Variants in CNBD1 observed in about 807,000 individuals in gnomAD.
CNBD1 encodes the protein cyclic nucleotide-binding domain-containing protein 1.
In CNBD1, 71 loss-of-function variants were observed where a neutral mutation model predicts 54.4. The observed-to-expected ratio is 1.30, with a 90% confidence interval of 1.08 to 1.59. CNBD1 has a LOEUF of 1.59. Ranked by LOEUF, CNBD1 falls within the 40% of genes most tolerant of loss-of-function variation. The pLI is 0.00. For synonymous variants in CNBD1, 182 were observed against 170.7 expected (o/e 1.07, Z -0.51); for missense variants, 659 against 518.0 (o/e 1.27, Z -2.64).
chr8:87,409,859 C>G (rs1807710738), intron 2 of CNBD1, among the ~76,000 whole-genome samples: 1 of 151,864 alleles, frequency 6.6e-6, no homozygotes, highest in Non-Finnish European at 1.5e-5. Context: ...CCCATCTCTA[C>G]TAAAATAGAA....
At chr8:87,101,213 A>G (rs1309555775) in intron 4 of CNBD1, among the ~76,000 whole-genome samples, 1 of 152,218 alleles carries the variant, frequency 6.6e-6, no homozygotes, top group Non-Finnish European at 1.5e-5. Flanking sequence ...AAACTCTAAG[A>G]TGATCAAGAT....
chr8:86,903,678 A>C (rs1808972949), intron 2 of CNBD1, among the ~76,000 whole-genome samples: 1 of 152,092 alleles, frequency 6.6e-6, no homozygotes, highest in African/African-American at 2.4e-5. Flanking sequence ...TTAAGGTTGC[A>C]GTTTCTTTTT....
chr8:87,340,061 G>C (rs998132027), intron 8 of CNBD1, among the ~76,000 whole-genome samples: 1 of 152,046 alleles, frequency 6.6e-6, no homozygotes, highest in Non-Finnish European at 1.5e-5. Context: ...AGCATGTTTT[G>C]CCTAAGGCAG....
At chr8:87,299,572 A>G (rs1262712987) in intron 8 of CNBD1, among the ~76,000 whole-genome samples, 1 of 152,200 alleles carries the variant, frequency 6.6e-6, no homozygotes, top group Non-Finnish European at 1.5e-5. Flanking sequence ...TTCCCAGAAA[A>G]TCATAGATTA....
intron 4 of CNBD1, among the ~76,000 whole-genome samples, chr8:87,081,872 T>G (rs1255137658): frequency 1.3e-5 from 2 of 152,184 alleles, no homozygotes; most frequent in East Asian, 3.9e-4. Context: ...GGTGTCAATT[T>G]AGTCTCTAAT....
intron 6 of CNBD1, among the ~76,000 whole-genome samples, chr8:87,265,823 G>A (rs1472947380): frequency 4.6e-5 from 7 of 152,212 alleles, no homozygotes; most frequent in African/African-American, 1.7e-4. Context: ...TACAGAAGAA[G>A]TTTGCTAATC....
intron 8 of CNBD1, among the ~76,000 whole-genome samples, chr8:87,320,834 G>A (rs899900125): frequency 1.3e-5 from 2 of 151,988 alleles, no homozygotes; most frequent in Non-Finnish European, 2.9e-5. Context: ...TTGCATAACT[G>A]AAATTTTATA....
At position 87,155,310 on chromosome 8, in the gene CNBD1, A is replaced by C. The variant is rs545259547; in HGVS notation, c.432-50683A>C. Among the ~76,000 whole-genome samples the C allele has an allele frequency of 1.9e-3, 286 of 152,288 alleles. 1 individual carries two copies. Among genetic ancestry groups the C allele is most frequent in the African/African-American group, 6.7e-3 (280 of 41,564 alleles). On this transcript the variant is annotated intron_variant, in intron 4 of 10. Transcript: ENST00000518476. ...TTTATCCTGTAGATAATTGGGAACC[A>C]CTAAAGTATTTTAACAGAGGAGTGA...
chr8:87,268,293 G>A (rs1445855394), intron 6 of CNBD1, among the ~76,000 whole-genome samples: 1 of 152,014 alleles, frequency 6.6e-6, no homozygotes, highest in Admixed American at 6.6e-5. Context: ...TTGTTCTTTT[G>A]TATGGTTTTG....
At chr8:87,155,659 G>A (rs572758289) in intron 4 of CNBD1, among the ~76,000 whole-genome samples, 16 of 152,180 alleles carry the variant, frequency 1.1e-4, no homozygotes, top group Admixed American at 8.5e-4. Context: ...CTAGCAGACT[G>A]AGTGGGCATG....
At chr8:87,386,373 T>A (rs1014810782), downstream of CNBD1, among the ~76,000 whole-genome samples, 1 of 151,610 alleles carries the variant, frequency 6.6e-6, no homozygotes, top group South Asian at 2.1e-4. Flanking sequence ...GAAAAAAAAA[T>A]TAGATGAATG....
intron 4 of CNBD1, among the ~76,000 whole-genome samples, chr8:87,034,968 AT>A (rs912880140): frequency 6.6e-6 from 1 of 151,980 alleles, no homozygotes; most frequent in African/African-American, 2.4e-5. Context: ...ATTTATGCGG[AT>A]TTTTTAGTTT....
intron 6 of CNBD1, among the ~76,000 whole-genome samples, chr8:87,273,740 G>T (rs1016819288): frequency 8.6e-5 from 13 of 151,912 alleles, no homozygotes; most frequent in South Asian, 6.2e-4. Context: ...CTCTTTAAAA[G>T]ATTTTTGAAA....
At chr8:86,904,234 T>A (rs1475706086) in intron 2 of CNBD1, among the ~76,000 whole-genome samples, 1 of 152,080 alleles carries the variant, frequency 6.6e-6, no homozygotes, top group Non-Finnish European at 1.5e-5. Context: ...TTGGCTAAGA[T>A]GTTTGTCAGT....
chr8:87,334,371 A>C (rs989927427), intron 8 of CNBD1, among the ~76,000 whole-genome samples: 1 of 151,574 alleles, frequency 6.6e-6, no homozygotes, highest in Non-Finnish European at 1.5e-5. Context: ...CTGTGTCTCT[A>C]TCTCCTTCAG....
chr8:86,888,335 G>C (rs981876583), intron 2 of CNBD1, among the ~76,000 whole-genome samples: 2 of 151,998 alleles, frequency 1.3e-5, no homozygotes, highest in Non-Finnish European at 2.9e-5. Context: ...ATGCAACTTT[G>C]ATATTGCTTG....
At chr8:87,421,306 G>T (rs1049422230) in intron 2 of CNBD1, among the ~76,000 whole-genome samples, 1 of 149,430 alleles carries the variant, frequency 6.7e-6, no homozygotes, top group African/African-American at 2.5e-5. Flanking sequence ...TAAGTTTTAG[G>T]GTACATGTGC....
chr8:86,880,026 A>G (rs781068720), intron 1 of CNBD1, among the ~76,000 whole-genome samples: 13 of 152,208 alleles, frequency 8.5e-5, no homozygotes, highest in Non-Finnish European at 1.9e-4. Flanking sequence ...TCACATTAGA[A>G]TTTTAGAAAG....
At chr8:86,890,305 A>G (rs975763262) in intron 2 of CNBD1, among the ~76,000 whole-genome samples, 1 of 151,996 alleles carries the variant, frequency 6.6e-6, no homozygotes, top group Non-Finnish European at 1.5e-5. Flanking sequence ...CACGACTTTC[A>G]TGTTTTCAGA....
Sources: gnomAD v4.1 joint callset for allele counts (sites outside exome capture counted in the v4.1 genomes callset) on GRCh38, gnomAD v4.1.1 for gene constraint, MANE v1.5 for transcripts, NCBI Gene and HGNC (gene_info 2026-07-23, HGNC 2026-07-21) for gene names.